Variants in PLEKHN1 observed in about 807,000 individuals in gnomAD.
PLEKHN1 encodes pleckstrin homology domain-containing family N member 1.
PLEKHN1 carries 68 observed loss-of-function variants against 72.8 expected under a neutral mutation model. The ratio of observed to expected loss-of-function variants is 0.93; its 90% CI spans 0.77 to 1.14. The LOEUF (loss-of-function observed/expected upper bound fraction) is 1.14. Among genes scored for constraint, PLEKHN1 ranks in the 50% most tolerant of loss-of-function variants. The probability of loss-of-function intolerance (pLI) is 0.00; values close to 1 mark genes in which losing one functional copy is unlikely to be tolerated. For missense variants in PLEKHN1, 1,015 were observed against 840.5 expected (o/e 1.21, Z -2.57); for synonymous variants, 454 against 371.6 (o/e 1.22, Z -2.55).
At chr1:967,033 G>A (rs1017724240) in intron 2 of PLEKHN1, among the ~76,000 whole-genome samples, 3 of 152,318 alleles carry the variant, frequency 2.0e-5, no homozygotes, top group Admixed American at 6.5e-5. Context: ...AGAGCTGGGC[G>A]GGGCGGGCCG....
At position 974,535 on chromosome 1, in the gene PLEKHN1, G is replaced by C; in HGVS notation, c.1796G>C (p.Gly599Ala). Reference protein sequence around the residue: ...SSSHQKCPQLGGPEASGGLVQ... With the variant: ...SSSHQKCPQLAGPEASGGLVQ... ...TCCCACCAGAAGTGCCCCCAGCTTGGAGGGCCTGAGGCCAGTGGGGGGCTT... is the reference window on the plus strand; with the variant it reads ...TCCCACCAGAAGTGCCCCCAGCTTGCAGGGCCTGAGGCCAGTGGGGGGCTT... Residue 599 changes from glycine to alanine, a missense_variant, in exon 16 of 16, where the codon GGA becomes GCA. Coordinates refer to ENST00000379410, the MANE Select transcript of PLEKHN1 (RefSeq NM_032129.3). 6.2e-7 allele frequency: 1 copy of C among 1,612,486 alleles called. No homozygotes were observed. Among genetic ancestry groups the C allele is most frequent in the Non-Finnish European group, 8.5e-7 (1 of 1,179,882 alleles).
chr1:967,074 A>C (rs1643037405), intron 2 of PLEKHN1, among the ~76,000 whole-genome samples: 1 of 152,148 alleles, frequency 6.6e-6, no homozygotes, highest in African/African-American at 2.4e-5. Flanking sequence ...CTCCTCCCGC[A>C]GGGGACCAGC....
In PLEKHN1 at chr1:973,193, C is replaced by A. The variant is rs1193158397; in HGVS notation, c.1160C>A (p.Ala387Asp). ...GCSSQHTPDQ[A>D]NSDRASIGRR... ...GGTTTGTGGTCCCCACAGGACCAGGCCAACTCTGACCGTGCCAGCATTGGC... is the reference window on the plus strand; with the variant it reads ...GGTTTGTGGTCCCCACAGGACCAGGACAACTCTGACCGTGCCAGCATTGGC... Residue 387 changes from alanine to aspartate, a missense_variant, in exon 12 of 16, where the codon GCC (alanine) becomes GAC (aspartate). By Grantham distance (126) the Ala-to-Asp change is moderately radical. Transcript: ENST00000379410. 2.0e-6 allele frequency: 3 copies of A among 1,526,356 alleles called. No homozygotes were observed. Among genetic ancestry groups the A allele is most frequent in the African/African-American group, 1.4e-5 (1 of 72,768 alleles). 94.6% of individuals were successfully genotyped at this position (1,526,356 alleles called of 1,614,324 possible). A position where few individuals can be genotyped will look rare whatever the true frequency, so the allele number is the denominator to read the frequency against.
intron 9 of PLEKHN1, 54 bp downstream of exon 9, chr1:972,204 G>T: frequency 6.2e-7 from 1 of 1,604,190 alleles, no homozygotes; most frequent in Admixed American, 1.7e-5. Context: ...TGGTGGGGCG[G>T]GAGCCTGGGG....
At chr1:969,981 C>T (rs1643221328) in intron 2 of PLEKHN1, among the ~76,000 whole-genome samples, 1 of 152,006 alleles carries the variant, frequency 6.6e-6, no homozygotes, top group Non-Finnish European at 1.5e-5. Flanking sequence ...CTGTGGGGGG[C>T]TGTTCTTCAC....
At chr1:971,612 T>C in intron 8 of PLEKHN1, 1 of 611,536 alleles carries the variant, frequency 1.6e-6, no homozygotes, top group South Asian at 1.9e-5. Flanking sequence ...CCTGAGGTTC[T>C]TGACCGTCAC....
chr1:972,372 A>G lies in PLEKHN1; in HGVS notation c.950A>G (p.His317Arg). 2 of 1,586,912 alleles carry G rather than the reference A, an allele frequency of 1.3e-6. No individual in the cohort carries two copies. Among genetic ancestry groups the G allele is most frequent in the Non-Finnish European group, 1.7e-6 (2 of 1,169,700 alleles). Residue 317 changes from histidine to arginine, a missense_variant, in exon 10 of 16, where the codon CAC (histidine) becomes CGC (arginine). Coordinates refer to ENST00000379410, the MANE Select transcript of PLEKHN1 (RefSeq NM_032129.3). ...HWLLCLRAVT[H>R]REGAPPLPGA... ...CTGCTGTGCCTTCGCGCTGTCACCC[A>G]CAGGGAGGGGGCCCCGCCGCTGCCT...
At position 972,946 on chromosome 1, in the gene PLEKHN1, C is replaced by A. The variant is rs1431875148; in HGVS notation, c.1088C>A (p.Thr363Asn). Residue 363 changes from threonine (T) to asparagine (N), a missense_variant, in exon 11 of 16, where the codon ACC becomes AAC. Coordinates refer to ENST00000379410, the MANE Select transcript of PLEKHN1 (RefSeq NM_032129.3). ...TGCTTGGCGCCCCCCTCCACCCGCA[C>A]CAGCCACTCCCTGCCTGAGTCCTCA... Reference protein sequence around the residue: ...SGCLAPPSTRTSHSLPESSVP... With the variant: ...SGCLAPPSTRNSHSLPESSVP... 64 of 1,574,462 alleles carry A rather than the reference C, an allele frequency of 4.1e-5. No individual in the cohort carries two copies. The highest frequency in any genetic ancestry group is 5.4e-5 in the Non-Finnish European group (63 of 1,159,702).
rs764790709 is a variant in PLEKHN1 at position 970,829 on chromosome 1, G to T, written c.485-50G>T. On this transcript the variant is annotated intron_variant, in intron 5 of 15. Transcript: ENST00000379410. This position sits in a 1 kb window ranked among gnomAD's most constrained non-coding sequence, Gnocchi z 4.2. ...GACTTGGAGAGGGGCCTGCCCTGTG[G>T]CTGCGGAGCACGTGTGTGTATGTGT... 1.9e-6 allele frequency: 3 copies of T among 1,612,592 alleles called. No individual in the cohort carries two copies. Among genetic ancestry groups the T allele is most frequent in the Middle Eastern group, 1.6e-4 (1 of 6,062 alleles).
At position 974,365 on chromosome 1, in the gene PLEKHN1, G is replaced by A. The variant is rs780865727; in HGVS notation, c.1702+1G>A. 5 of 1,613,022 alleles carry A rather than the reference G, an allele frequency of 3.1e-6. No homozygotes were observed. The South Asian group carries it at 4.4e-5, about 14-fold the overall frequency. On this transcript the variant is annotated splice_donor_variant, in intron 15 of 15. Transcript: ENST00000379410. LOFTEE classifies it high-confidence loss of function. ...CCCGAACCCTGGCTGCCTCTGACAG[G>A]TGAGTAAGGATCCTGCCTCCTGAGG...
chr1:968,771 C>T (rs531412965), intron 2 of PLEKHN1, among the ~76,000 whole-genome samples: 10 of 152,112 alleles, frequency 6.6e-5, no homozygotes, highest in African/African-American at 9.7e-5. Flanking sequence ...AGCTGCAAAG[C>T]GGGTAAGGAG....
rs373687914 is a variant in PLEKHN1 at position 973,996 on chromosome 1, G to C, written c.1598G>C (p.Arg533Thr). ...KGALQSRAAQRHRGSAKDGGP... is the reference protein window; with the variant it reads ...KGALQSRAAQTHRGSAKDGGP... ...GCCCTGCAGTCCAGAGCCGCTCAGAGACACCGGGGCTCAGCCAAGGATGGG... is the reference window on the plus strand; with the variant it reads ...GCCCTGCAGTCCAGAGCCGCTCAGACACACCGGGGCTCAGCCAAGGATGGG... The change falls in exon 14 of 16, where the codon AGA becomes ACA. Residue 533 changes from arginine (R) to threonine (T), a missense_variant. Physicochemically the swap from Arg to Thr is moderately conservative, Grantham distance 71 (BLOSUM62 -1). Transcript: ENST00000379410. 2 of 1,606,082 alleles carry C rather than the reference G, an allele frequency of 1.2e-6. No individual in the cohort carries two copies. The highest frequency in any genetic ancestry group is 8.5e-7 in the Non-Finnish European group (1 of 1,178,396).
At chr1:971,302 G>C in intron 7 of PLEKHN1, 22 bp from the exon 8 acceptor site, 3 of 1,559,418 alleles carry the variant, frequency 1.9e-6, no homozygotes, top group Non-Finnish European at 2.6e-6. Flanking sequence ...CTCATCGCCT[G>C]ACCCCACCCC....
In PLEKHN1 at chr1:974,862, C is replaced by G. The variant is rs1643532700; in HGVS notation, c.*287C>G. ...CAGGGTCGGCCCTCAGCTCAGCCCGCCAGGAGTCAGGGAGGAGACTCGCTG... is the reference window on the plus strand; with the variant it reads ...CAGGGTCGGCCCTCAGCTCAGCCCGGCAGGAGTCAGGGAGGAGACTCGCTG... On this transcript the variant is annotated 3_prime_UTR_variant, in exon 16 of 16. Transcript: ENST00000379410. 3 of 450,538 alleles carry G rather than the reference C, an allele frequency of 6.7e-6. No homozygotes were observed. Among genetic ancestry groups the G allele is most frequent in the Non-Finnish European group, 1.2e-5 (3 of 249,332 alleles). The allele number at this position is 450,538 out of a possible 1,614,324, so 27.9% of individuals were successfully genotyped here. A position where few individuals can be genotyped will look rare whatever the true frequency, so the allele number is the denominator to read the frequency against.
In PLEKHN1 at chr1:973,857, C is replaced by T. The variant is rs757630298; in HGVS notation, c.1459C>T (p.Arg487Cys). The part of the protein sequence containing the change: ...EEFLSAMQSA[R>C]GPTPSSPLPS... The stretch of plus-strand genomic sequence containing the variant: ...GTTCCTCAGTGCCATGCAGAGTGCA[C>T]GTGGACCCACGCCCTCGAGCCCACT... Residue 487 changes from arginine to cysteine, a missense_variant, in exon 14 of 16, where the codon CGT becomes TGT. By Grantham distance (180) the Arg-to-Cys change is radical. Transcript: ENST00000379410. 2 of 1,610,258 alleles carry T rather than the reference C, an allele frequency of 1.2e-6. No homozygotes were observed. The highest frequency in any genetic ancestry group is 1.7e-6 in the Non-Finnish European group (2 of 1,179,850).
rs962271082 is a variant in PLEKHN1, at chr1:966,771, G to T, written c.151G>T (p.Ala51Ser). The change falls in exon 2 of 16, where the codon GCC becomes TCC. Residue 51 changes from alanine (A) to serine (S), a missense_variant. Physicochemically the swap from Ala to Ser is moderately conservative, Grantham distance 99 (BLOSUM62 1). Coordinates refer to ENST00000379410, the MANE Select transcript of PLEKHN1 (RefSeq NM_032129.3). ...GGCTGCTCGAAGCGGGGACGCCGCC[G>T]CCAACAAGCTCTTCCACTACATCCC... Reference protein sequence around the residue: ...PEAARSGDAAANKLFHYIPGT... With the variant: ...PEAARSGDAASNKLFHYIPGT... The T allele has an allele frequency of 1.3e-6, 2 of 1,570,482 alleles. No homozygotes were observed. Among genetic ancestry groups the T allele is most frequent in the African/African-American group, 2.7e-5 (2 of 73,752 alleles).
chr1:971,630 C>G lies in PLEKHN1; in HGVS notation c.789+226C>G, dbSNP rs116396715. 2,833 of 603,336 alleles carry G rather than the reference C, an allele frequency of 4.7e-3. 48 individuals carry two copies. Among genetic ancestry groups the G allele is most frequent in the African/African-American group, 0.042 (2,295 of 54,074 alleles). 37.4% of individuals were successfully genotyped at this position (603,336 alleles called of 1,614,324 possible). A position where few individuals can be genotyped will look rare whatever the true frequency, so the allele number is the denominator to read the frequency against. On this transcript the variant is annotated intron_variant, in intron 8 of 15. Coordinates refer to ENST00000379410, the MANE Select transcript of PLEKHN1 (RefSeq NM_032129.3). Reference sequence around the variant, plus strand: ...GAGGTTCTTGACCGTCACCCTGGGGCGGGCAGCATGGGGCTGAGAGCCCCT... The same window carrying G: ...GAGGTTCTTGACCGTCACCCTGGGGGGGGCAGCATGGGGCTGAGAGCCCCT...
In PLEKHN1 at chr1:973,480, C is replaced by T. The variant is rs754050825; in HGVS notation, c.1294-20C>T. 4 of 1,610,664 alleles carry T rather than the reference C, an allele frequency of 2.5e-6. No homozygotes were observed. The South Asian group carries it at 3.3e-5, about 13-fold the overall frequency. ...CTGTTTCTAGCCGAGAAGCCCATTT[C>T]TCCCACCTCTGCCCTGCAGCTGCAC... is the stretch of plus-strand genomic sequence containing the variant. On this transcript the variant is annotated intron_variant, in intron 12 of 15. Coordinates refer to ENST00000379410, the MANE Select transcript of PLEKHN1 (RefSeq NM_032129.3).
At chr1:968,160 C>G (rs1643107623) in intron 2 of PLEKHN1, among the ~76,000 whole-genome samples, 1 of 152,246 alleles carries the variant, frequency 6.6e-6, no homozygotes, top group Non-Finnish European at 1.5e-5. Flanking sequence ...GCATCAGTTC[C>G]CACGCTGGGT....
Sources: gnomAD v4.1 joint callset for allele counts (sites outside exome capture counted in the v4.1 genomes callset) on GRCh38, gnomAD v4.1.1 for gene constraint, Gnocchi (gnomAD v3.1) non-coding constraint, MANE v1.5 for transcripts, NCBI Gene and HGNC (gene_info 2026-07-23, HGNC 2026-07-21) for gene names.